The following SLC37A3 variants were observed in gnomAD, a reference collection of about 807,000 sequenced individuals.
SLC37A3 encodes sugar phosphate exchanger 3.
Under a neutral mutation model 67.1 loss-of-function variants are expected in SLC37A3, and 51 were observed. That is an observed-to-expected ratio of 0.76 (90% CI 0.61 to 0.96). The LOEUF (loss-of-function observed/expected upper bound fraction) is 0.96, where lower values mean the gene tolerates loss of function less well. SLC37A3 is among the 40% of genes least tolerant of loss of function. The pLI, the probability that SLC37A3 is intolerant of heterozygous loss-of-function variation, is 0.00. For missense variants in SLC37A3, 508 were observed against 603.0 expected (o/e 0.84, Z 1.65); for synonymous variants, 214 against 231.4 (o/e 0.92, Z 0.68).
At chr7:140,377,354 C>T (rs1023910822) in intron 3 of SLC37A3, among the ~76,000 whole-genome samples, 5 of 152,158 alleles carry the variant, frequency 3.3e-5, no homozygotes, top group East Asian at 1.9e-4. Flanking sequence ...CCTGAGCCAT[C>T]GCACCTGGCC....
chr7:140,375,021 C>T (rs987736732), intron 3 of SLC37A3, among the ~76,000 whole-genome samples: 1 of 147,710 alleles, frequency 6.8e-6, no homozygotes, highest in Non-Finnish European at 1.5e-5. Flanking sequence ...TGGCACGCAC[C>T]TATGGTCCCA....
At position 140,335,029 on chromosome 7, in the gene SLC37A3, G is replaced by A. The variant is rs920482543; in HGVS notation, c.*383C>T. 18 of 541,196 alleles carry A rather than the reference G, an allele frequency of 3.3e-5. No individual in the cohort carries two copies. Among genetic ancestry groups the A allele is most frequent in the Admixed American group, 9.7e-5 (3 of 30,786 alleles). 33.5% of individuals were successfully genotyped at this position (541,196 alleles called of 1,614,324 possible). ...GGAACATACCACCAACACAAACCAC[G>A]CGTGGCTTTGCCTCCTGTTCACTCC... On this transcript the variant is annotated 3_prime_UTR_variant, in exon 15 of 15. Transcript: ENST00000326232.
Position 140,364,300 on chromosome 7 carries a change from C to T in SLC37A3, c.375+108G>A, listed in dbSNP as rs529034589. On this transcript the variant is annotated intron_variant, in intron 5 of 14. Transcript: ENST00000326232. Reference sequence around the variant, plus strand: ...TAAGTGAAAAGGCAAATGAGGGATTCGAACAATGAGGATTAATCTTACTAT... The same window carrying T: ...TAAGTGAAAAGGCAAATGAGGGATTTGAACAATGAGGATTAATCTTACTAT... 23 of 1,033,698 alleles carry T rather than the reference C, an allele frequency of 2.2e-5. No homozygotes were observed. The East Asian group carries it at 4.0e-4, about 18-fold the overall frequency. 64.0% of individuals were successfully genotyped at this position (1,033,698 alleles called of 1,614,324 possible).
chr7:140,369,138 C>T (rs1191083588), intron 4 of SLC37A3, among the ~76,000 whole-genome samples: 5 of 152,302 alleles, frequency 3.3e-5, no homozygotes, highest in Middle Eastern at 6.8e-3. Flanking sequence ...CACACCGACT[C>T]GCTCACCTGC....
At chr7:140,358,879 G>T in intron 5 of SLC37A3, 94 bp from the exon 6 acceptor site, 1 of 1,465,232 alleles carries the variant, frequency 6.8e-7, no homozygotes, top group African/African-American at 1.4e-5. Context: ...TAGAGACCAC[G>T]TGAAGGATAC....
rs1796666932 is a variant in SLC37A3, at chr7:140,348,534, A to G, written c.1024+92T>C. 2.8e-6 allele frequency: 4 copies of G among 1,417,216 alleles called. No homozygotes were observed. The South Asian group carries it at 6.1e-5, about 22-fold the overall frequency. The allele number at this position is 1,417,216 out of a possible 1,614,324, so 87.8% of individuals were successfully genotyped here. A position where few individuals can be genotyped will look rare whatever the true frequency, so the allele number is the denominator to read the frequency against. On this transcript the variant is annotated intron_variant, in intron 10 of 14. Transcript: ENST00000326232. Reference sequence around the variant, plus strand: ...AGGGAAAATGGCTGTAGAATAAGTAATAAAACTTTAAATGAGGCCAGATTT... The same window carrying G: ...AGGGAAAATGGCTGTAGAATAAGTAGTAAAACTTTAAATGAGGCCAGATTT...
At chr7:140,356,100 A>C (rs1197430576) in intron 6 of SLC37A3, among the ~76,000 whole-genome samples, 1 of 151,818 alleles carries the variant, frequency 6.6e-6, no homozygotes, top group Non-Finnish European at 1.5e-5. Flanking sequence ...AGACTGAGGC[A>C]AGAGAATAGC....
At chr7:140,348,522 G>A in intron 10 of SLC37A3, 104 bp downstream of exon 10, 1 of 1,250,240 alleles carries the variant, frequency 8.0e-7, no homozygotes, top group Non-Finnish European at 1.1e-6. Context: ...GAAAATGGCT[G>A]TAGAATAAGT....
intron 4 of SLC37A3, 63 bp downstream of exon 4, chr7:140,369,527 G>A: frequency 2.2e-6 from 3 of 1,371,146 alleles, no homozygotes; most frequent in Admixed American, 4.1e-5. Flanking sequence ...AATTTTGTAA[G>A]GCTCAGGGTC....
chr7:140,387,643 AT>A (rs1372726549), intron 1 of SLC37A3, among the ~76,000 whole-genome samples: 1 of 117,692 alleles, frequency 8.5e-6, no homozygotes, highest in Non-Finnish European at 1.6e-5. Context: ...ATAAATATAA[AT>A]ATATATATTA....
chr7:140,380,696 C>G (rs4725689), intron 2 of SLC37A3, among the ~76,000 whole-genome samples: 22,043 of 151,960 alleles, frequency 0.15, 1,859 homozygotes, highest in South Asian at 0.23. Context: ...GGCACTCTAC[C>G]ACGCCCAGTG....
intron 3 of SLC37A3, 30 bp downstream of exon 3, chr7:140,380,252 C>G: frequency 2.8e-6 from 4 of 1,436,592 alleles, no homozygotes; most frequent in Non-Finnish European, 3.9e-6. Context: ...TCTCCTACTT[C>G]GATCCATCCC....
intron 14 of SLC37A3, among the ~76,000 whole-genome samples, chr7:140,336,309 C>G (rs76966065): frequency 6.6e-6 from 1 of 152,174 alleles, no homozygotes; most frequent in African/African-American, 2.4e-5. Flanking sequence ...AATCAGGAGG[C>G]TGAGGTGGGA....
chr7:140,393,819 T>C, intron 1 of SLC37A3, among the ~76,000 whole-genome samples: 1 of 152,196 alleles, frequency 6.6e-6, no homozygotes, highest in East Asian at 1.9e-4. Context: ...TGGCTCTCTG[T>C]GTCCTGAGTC....
intron 1 of SLC37A3, among the ~76,000 whole-genome samples, chr7:140,396,365 T>C (rs1320968925): frequency 6.6e-6 from 1 of 152,178 alleles, no homozygotes; most frequent in Non-Finnish European, 1.5e-5. Flanking sequence ...TACGAAGCCA[T>C]TTACTTGAAC....
intron 13 of SLC37A3, among the ~76,000 whole-genome samples, chr7:140,342,025 A>G (rs1302319543): frequency 6.6e-6 from 1 of 152,200 alleles, no homozygotes; most frequent in Non-Finnish European, 1.5e-5. Context: ...CAAGCATATC[A>G]GTCATTCATT....
intron 13 of SLC37A3, among the ~76,000 whole-genome samples, chr7:140,340,762 CTACAAAAAAAA>C (rs892521006): frequency 1.5e-4 from 23 of 151,674 alleles, no homozygotes; most frequent in African/African-American, 4.8e-4. Context: ...AACCCTGTCT[CTACAAAAAAAA>C]TACAAAAATT....
chr7:140,348,457 CTTTTCTTTT>C (rs1209880140), intron 10 of SLC37A3, 160 bp downstream of exon 10: 10 of 634,404 alleles, frequency 1.6e-5, no homozygotes, highest in Middle Eastern at 3.2e-4. Context: ...CTTTTCTTTT[CTTTTCTTTT>C]TTTTTTTTTT....
At chr7:140,351,655 C>G (rs560667188) in intron 8 of SLC37A3, 45 of 584,024 alleles carry the variant, frequency 7.7e-5, no homozygotes, top group South Asian at 4.9e-4. Flanking sequence ...AATTGTACAT[C>G]TGTTTGCTTC....
Sources: allele counts gnomAD v4.1 joint callset (sites outside exome capture counted in the v4.1 genomes callset), GRCh38; gene constraint gnomAD v4.1.1; transcripts MANE v1.5; gene names NCBI Gene and HGNC (gene_info 2026-07-23, HGNC 2026-07-21).